Variants in DNAH17 observed in about 807,000 individuals in gnomAD.
DNAH17 encodes axonemal beta dynein heavy chain 17.
A neutral mutation model predicts 485.6 loss-of-function variants in DNAH17; 376 were observed. The ratio of observed to expected loss-of-function variants is 0.77; its 90% CI spans 0.71 to 0.84. DNAH17 has a LOEUF of 0.84. DNAH17 is among the 40% of genes least tolerant of loss of function. The pLI, the probability that DNAH17 is intolerant of heterozygous loss-of-function variation, is 0.00. For synonymous variants in DNAH17, 3,031 were observed against 2,405.9 expected, an observed-to-expected ratio of 1.26 and a Z score of -7.60; for missense variants, 6,370 against 5,839.3, an observed-to-expected ratio of 1.09 and a Z score of -2.96.
chr17:78,568,882 G>A (rs970275704), intron 9 of DNAH17, among the ~76,000 whole-genome samples: 10 of 152,314 alleles, frequency 6.6e-5, no homozygotes, highest in East Asian at 5.8e-4. Context: ...GCCCCCAGGC[G>A]TCCTGAACGT....
rs575723399 is a variant in DNAH17 at position 78,559,581 on chromosome 17, G to T, written c.2031+1159C>A. The stretch of plus-strand genomic sequence containing the variant: ...TCTCTTGCCTGGACTGTGCCAACAG[G>T]CTCCCAACTGATTTTCCTGCTCTTT... On this transcript the variant is annotated intron_variant, in intron 13 of 80. Coordinates refer to ENST00000389840, the MANE Select transcript of DNAH17 (RefSeq NM_173628.4). 2.0e-5 allele frequency among the ~76,000 whole-genome samples: 3 copies of T among 152,304 alleles called. No homozygotes were observed. The South Asian group carries it at 6.2e-4, about 32-fold the overall frequency.
rs1304454112 is a variant in DNAH17 at position 78,543,912 on chromosome 17, T to C, written c.2477A>G (p.Asn826Ser). ...LDLDGRIANL[N>S]KRYAAVRDAG... Reference sequence around the variant, plus strand: ...ATCCCTGACTGCTGCGTAGCGCTTGTTGAGGTTGGCAATTCTTCCATCCAA... The same window carrying C: ...ATCCCTGACTGCTGCGTAGCGCTTGCTGAGGTTGGCAATTCTTCCATCCAA... Residue 826 changes from asparagine to serine, a missense_variant, in exon 17 of 81, where the codon AAC becomes AGC. By Grantham distance (46) the Asn-to-Ser change is conservative. Transcript: ENST00000389840. The C allele has an allele frequency of 3.1e-6, 5 of 1,614,092 alleles. No homozygotes were observed. The highest frequency in any genetic ancestry group is 1.6e-4 in the Middle Eastern group (1 of 6,062).
Position 78,454,604 on chromosome 17 carries a change from C to T in DNAH17, c.10272G>A (p.Met3424Ile). The change falls in exon 64 of 81, where the codon ATG (methionine) becomes ATA (isoleucine). Residue 3424 changes from methionine (M) to isoleucine (I), a missense_variant. By Grantham distance (10) the Met-to-Ile change is conservative. Coordinates refer to ENST00000389840, the MANE Select transcript of DNAH17 (RefSeq NM_173628.4). Reference protein sequence around the residue: ...WNNQGLPSDRMSTENATILGN... With the variant: ...WNNQGLPSDRISTENATILGN... Reference sequence around the variant, plus strand: ...CCAGGATGGTGGCATTCTCGGTGGACATGCGGTCGCTGGGGAGGCCCTGGT... The same window carrying T: ...CCAGGATGGTGGCATTCTCGGTGGATATGCGGTCGCTGGGGAGGCCCTGGT... 6.2e-7 allele frequency: 1 copy of T among 1,612,440 alleles called. No homozygotes were observed. Among genetic ancestry groups the T allele is most frequent in the Non-Finnish European group, 8.5e-7 (1 of 1,179,676 alleles).
intron 25 of DNAH17, among the ~76,000 whole-genome samples, chr17:78,516,452 C>T (rs1048709161): frequency 1.4e-4 from 22 of 152,206 alleles, no homozygotes; most frequent in Middle Eastern, 3.4e-3. Flanking sequence ...TTTGGGAGGC[C>T]GAGGCGGGTG....
At chr17:78,546,574 A>G (rs143348517) in intron 16 of DNAH17, among the ~76,000 whole-genome samples, 65 of 152,238 alleles carry the variant, frequency 4.3e-4, no homozygotes, top group African/African-American at 1.4e-3. Context: ...CTTGCCATTA[A>G]GTTTATTAAG....
rs1482301160 is a variant in DNAH17, at chr17:78,454,538, G to A, written c.10338C>T (p.Leu3446=). The A allele has an allele frequency of 6.2e-7, 1 of 1,613,298 alleles. No homozygotes were observed. Among genetic ancestry groups the A allele is most frequent in the Non-Finnish European group, 8.5e-7 (1 of 1,179,866 alleles). ...TGTTTTTGATCCACTTGATTCCTTGGAGCTGGGCGTCCACGATCAGCGGCC... is the reference window on the plus strand; with the variant it reads ...TGTTTTTGATCCACTTGATTCCTTGAAGCTGGGCGTCCACGATCAGCGGCC... The part of the protein sequence containing the change: ...ERWPLIVDAQ[L]QGIKWIKNKY... The change falls in exon 64 of 81, where the codon CTC becomes CTT. Residue 3446 remains leucine (L), a synonymous_variant. Transcript: ENST00000389840.
intron 9 of DNAH17, among the ~76,000 whole-genome samples, chr17:78,567,755 T>TC (rs2092291329): frequency 6.6e-6 from 1 of 152,106 alleles, no homozygotes; most frequent in South Asian, 2.1e-4. Context: ...ATGCATTCCT[T>TC]CCCAGGGGCC....
At chr17:78,486,674 T>C (rs1306577554) in intron 44 of DNAH17, among the ~76,000 whole-genome samples, 168 bp from the exon 45 acceptor site, 2 of 152,176 alleles carry the variant, frequency 1.3e-5, no homozygotes, top group Non-Finnish European at 2.9e-5. Context: ...GAGGGGCCAG[T>C]TGCAGGCCCT....
chr17:78,437,623 G>A lies in DNAH17; in HGVS notation c.12033+18C>T, dbSNP rs769823873. 8.7e-5 allele frequency: 138 copies of A among 1,583,702 alleles called. No homozygotes were observed. In the South Asian group the frequency reaches 1.2e-3, roughly 14 times the overall value. On this transcript the variant is annotated intron_variant, in intron 74 of 80. Transcript: ENST00000389840. ...GTGGCATGGGATGGGGAGGCAGCCC[G>A]AGCAGGCGTGGCCCTACCTGGGTGA... is the stretch of plus-strand genomic sequence containing the variant.
At chr17:78,532,376 A>T in intron 20 of DNAH17, 106 bp downstream of exon 20, 1 of 1,430,702 alleles carries the variant, frequency 7.0e-7, no homozygotes, top group Non-Finnish European at 9.2e-7. Context: ...CCCTACCTGG[A>T]AACCTGCATC....
At chr17:78,516,711 A>AG (rs1337086875) in intron 25 of DNAH17, among the ~76,000 whole-genome samples, 114 of 149,110 alleles carry the variant, frequency 7.6e-4, no homozygotes, top group African/African-American at 2.6e-3. Flanking sequence ...AAAAAAAAAA[A>AG]AGAGAGAGAG....
Position 78,476,568 on chromosome 17 carries a change from T to G in DNAH17, c.8154+4A>C, listed in dbSNP as rs1004662020. 11 of 1,608,168 alleles carry G rather than the reference T, an allele frequency of 6.8e-6. No individual in the cohort carries two copies. Among genetic ancestry groups the G allele is most frequent in the Non-Finnish European group, 9.3e-6 (11 of 1,177,272 alleles). ...CGGCAGAGGGACTGGGCAGCTTGAC[T>G]TACATCAAAGAACTTCTTGGTGGAG... On this transcript the variant is annotated splice_donor_region_variant and intron_variant, in intron 52 of 80. Transcript: ENST00000389840.
In DNAH17 at chr17:78,560,991, C is replaced by T. The variant is rs578057233; in HGVS notation, c.1836-56G>A. ...CTGGATATCTCCTGTGGGGTGTCTT[C>T]GGCACGTCCCATCGTTGCTGCCCGA... On this transcript the variant is annotated intron_variant, in intron 12 of 80. Transcript: ENST00000389840. The T allele has an allele frequency of 1.3e-3, 1,978 of 1,487,534 alleles. 4 individuals are homozygous for T. The highest frequency in any genetic ancestry group is 1.5e-3 in the Non-Finnish European group (1,658 of 1,106,096). The allele number at this position is 1,487,534 out of a possible 1,614,324, so 92.1% of individuals were successfully genotyped here. A position where few individuals can be genotyped will look rare whatever the true frequency, so the allele number is the denominator to read the frequency against.
Position 78,454,601 on chromosome 17 carries a change from G to A in DNAH17, c.10275C>T (p.Ser3425=). The A allele has an allele frequency of 6.2e-7, 1 of 1,612,910 alleles. No homozygotes were observed. Among genetic ancestry groups the A allele is most frequent in the Middle Eastern group, 1.6e-4 (1 of 6,062 alleles). Residue 3425 remains serine, a synonymous_variant, in exon 64 of 81, where the codon TCC becomes TCT. Coordinates refer to ENST00000389840, the MANE Select transcript of DNAH17 (RefSeq NM_173628.4). The part of the protein sequence containing the change: ...NNQGLPSDRM[S]TENATILGNT... ...TGCCCAGGATGGTGGCATTCTCGGT[G>A]GACATGCGGTCGCTGGGGAGGCCCT... is the stretch of plus-strand genomic sequence containing the variant.
intron 14 of DNAH17, among the ~76,000 whole-genome samples, chr17:78,554,910 G>A (rs1404521388): frequency 2.6e-5 from 4 of 152,064 alleles, no homozygotes; most frequent in South Asian, 4.1e-4. Context: ...CCAAGCCCAG[G>A]TAATTTTTTT....
chr17:78,450,474 GC>G, intron 67 of DNAH17, 80 bp from the exon 68 acceptor site: 1 of 1,561,494 alleles, frequency 6.4e-7, no homozygotes. Flanking sequence ...CCAGCCACCA[GC>G]CTCGCTCCCT....
chr17:78,479,076 G>A lies in DNAH17; in HGVS notation c.7941C>T (p.Ala2647=), dbSNP rs746294921. The change falls in exon 51 of 81, where the codon GCC becomes GCT. Residue 2647 remains alanine, a synonymous_variant. Transcript: ENST00000389840. ...QKITATFLPT[A]IKFHYVFNLR... is the part of the protein sequence containing the mutation. ...GGTTGAAGACATAATGAAACTTAAT[G>A]GCCGTGGGAAGAAATGTTGCCGTGA... is the stretch of plus-strand genomic sequence containing the variant. 47 of 1,614,004 alleles carry A rather than the reference G, an allele frequency of 2.9e-5. No homozygotes were observed. In the South Asian group the frequency reaches 3.0e-4, roughly 10 times the overall value.
intron 74 of DNAH17, among the ~76,000 whole-genome samples, chr17:78,434,746 T>C (rs1256124729): frequency 6.6e-6 from 1 of 152,192 alleles, no homozygotes; most frequent in Non-Finnish European, 1.5e-5. Context: ...GCCTAAATTG[T>C]GACTCCTACG....
chr17:78,440,744 G>A lies in DNAH17; in HGVS notation c.11677+307C>T, dbSNP rs145057021. Among the ~76,000 whole-genome samples the A allele has an allele frequency of 1.5e-3, 221 of 152,304 alleles. 1 individual carries two copies. Among genetic ancestry groups the A allele is most frequent in the African/African-American group, 4.9e-3 (205 of 41,560 alleles). Reference sequence around the variant, plus strand: ...ATTTAAATTTCCAGTTCTTTTGGGTGTATACTCAGGCGTGGAATTGCTGGC... The same window carrying A: ...ATTTAAATTTCCAGTTCTTTTGGGTATATACTCAGGCGTGGAATTGCTGGC... On this transcript the variant is annotated intron_variant, in intron 72 of 80. Transcript: ENST00000389840.
Sources: allele counts gnomAD v4.1 joint callset (sites outside exome capture counted in the v4.1 genomes callset), GRCh38; gene constraint gnomAD v4.1.1; transcripts MANE v1.5; gene names NCBI Gene and HGNC (gene_info 2026-07-23, HGNC 2026-07-21).